The following TMEM132C variants were observed in gnomAD, a reference collection of about 807,000 sequenced individuals.
The protein encoded by TMEM132C is protein phosphatase 1, regulatory subunit 152.
In TMEM132C, 29 loss-of-function variants were observed where a neutral mutation model predicts 61.4. The ratio of observed to expected loss-of-function variants is 0.47; its 90% CI spans 0.35 to 0.64. TMEM132C has a LOEUF of 0.64. TMEM132C is among the 30% of genes least tolerant of loss of function. TMEM132C has a pLI of 0.00. For missense variants in TMEM132C, 1,408 were observed against 1,476.9 expected (o/e 0.95, Z 0.76); for synonymous variants, 656 against 633.1 (o/e 1.04, Z -0.54).
At chr12:128,636,394 TG>T (rs1301513648) in intron 4 of TMEM132C, among the ~76,000 whole-genome samples, 1 of 152,146 alleles carries the variant, frequency 6.6e-6, no homozygotes, top group Non-Finnish European at 1.5e-5. Flanking sequence ...GTATAATTGA[TG>T]TATCAAAAAT....
intron 2 of TMEM132C, among the ~76,000 whole-genome samples, chr12:128,470,142 G>A (rs149049997): frequency 2.6e-4 from 40 of 152,254 alleles, no homozygotes; most frequent in Admixed American, 1.1e-3. Flanking sequence ...CTGAAAAGCC[G>A]GAGTGGAGCG....
intron 2 of TMEM132C, among the ~76,000 whole-genome samples, chr12:128,423,425 A>G (rs1303007639): frequency 2.6e-5 from 4 of 152,226 alleles, no homozygotes; most frequent in Non-Finnish European, 4.4e-5. Flanking sequence ...CCATGTTCCA[A>G]TAAACAAACA....
intron 2 of TMEM132C, among the ~76,000 whole-genome samples, chr12:128,430,888 G>A (rs1869360013): frequency 6.6e-6 from 1 of 152,016 alleles, no homozygotes; most frequent in Admixed American, 6.6e-5. Context: ...CTCTCCTTAG[G>A]CCTCCCTATT....
At chr12:128,661,821 C>T (rs1409178462) in intron 4 of TMEM132C, among the ~76,000 whole-genome samples, 2 of 151,992 alleles carry the variant, frequency 1.3e-5, no homozygotes, top group African/African-American at 4.8e-5. Context: ...TTTTGAAAAA[C>T]AAAACACAGG....
At chr12:128,400,749 C>T (rs1260669081) in intron 1 of TMEM132C, among the ~76,000 whole-genome samples, 1 of 152,032 alleles carries the variant, frequency 6.6e-6, no homozygotes, top group Non-Finnish European at 1.5e-5. Flanking sequence ...GCTGGGCTTA[C>T]AGGCACGCAC....
intron 4 of TMEM132C, among the ~76,000 whole-genome samples, chr12:128,655,375 G>A (rs1954315736): frequency 6.6e-6 from 1 of 152,132 alleles, no homozygotes; most frequent in Admixed American, 6.6e-5. Context: ...TGTGTGTAAT[G>A]TATTCTTAAT....
rs534741677 is a variant in TMEM132C at position 128,519,674 on chromosome 12, G to A, written c.975-24283G>A. 6.6e-5 allele frequency among the ~76,000 whole-genome samples: 10 copies of A among 152,338 alleles called. No homozygotes were observed. In the South Asian group the frequency reaches 8.3e-4, roughly 13 times the overall value. ...ACTGGTAAGGGAAATGGAATTACAA[G>A]TCTGTTGTATTCTCATTAATACTTT... On this transcript the variant is annotated intron_variant, in intron 2 of 8. Transcript: ENST00000435159.
At chr12:128,387,958 C>T (rs962272642) in intron 1 of TMEM132C, among the ~76,000 whole-genome samples, 1 of 152,242 alleles carries the variant, frequency 6.6e-6, no homozygotes, top group East Asian at 1.9e-4. Context: ...CCGGCCGTCA[C>T]CTGTGCCCTT....
intron 2 of TMEM132C, among the ~76,000 whole-genome samples, chr12:128,495,691 C>A (rs1217029883): frequency 2.5e-4 from 38 of 151,170 alleles, no homozygotes; most frequent in Admixed American, 6.6e-4. Context: ...CTTGGTAGAT[C>A]TTCCTCCCTC....
intron 3 of TMEM132C, among the ~76,000 whole-genome samples, chr12:128,577,911 T>C (rs1875179095): frequency 6.6e-6 from 1 of 152,260 alleles, no homozygotes; most frequent in Admixed American, 6.5e-5. Flanking sequence ...CAGGTAGCCA[T>C]GGAAGAGTTT....
At chr12:128,459,327 C>G (rs1164831968) in intron 2 of TMEM132C, among the ~76,000 whole-genome samples, 1 of 152,214 alleles carries the variant, frequency 6.6e-6, no homozygotes, top group Non-Finnish European at 1.5e-5. Context: ...AAGCCTCCCT[C>G]AGGAGCCTGG....
At chr12:128,370,068 C>T (rs939326993) in intron 1 of TMEM132C, among the ~76,000 whole-genome samples, 2 of 152,132 alleles carry the variant, frequency 1.3e-5, no homozygotes, top group African/African-American at 4.8e-5. Flanking sequence ...TCCATATCTG[C>T]CAGAGTCCTC....
intron 1 of TMEM132C, chr12:128,288,863 C>T (rs1459662063): frequency 6.6e-6 from 1 of 152,616 alleles, no homozygotes; most frequent in Non-Finnish European, 1.5e-5. Flanking sequence ...CCCCTCCTTC[C>T]CTTGATTTCC....
At chr12:128,589,522 C>A (rs946385090) in intron 3 of TMEM132C, among the ~76,000 whole-genome samples, 8 of 151,202 alleles carry the variant, frequency 5.3e-5, no homozygotes, top group Non-Finnish European at 1.2e-4. Context: ...CAGCCCCCCA[C>A]CCCCTTATAA....
intron 4 of TMEM132C, among the ~76,000 whole-genome samples, chr12:128,631,548 C>T (rs1954065209): frequency 6.6e-6 from 1 of 152,200 alleles, no homozygotes; most frequent in African/African-American, 2.4e-5. Flanking sequence ...AAAAATTAAA[C>T]AACGCATAGT....
intron 1 of TMEM132C, among the ~76,000 whole-genome samples, chr12:128,323,291 C>T (rs924231206): frequency 2.6e-5 from 4 of 152,144 alleles, no homozygotes; most frequent in African/African-American, 7.2e-5. Context: ...TGATGGGGGA[C>T]GTGGAAGACA....
intron 2 of TMEM132C, among the ~76,000 whole-genome samples, chr12:128,492,198 G>A (rs1309488444): frequency 1.3e-5 from 2 of 152,120 alleles, no homozygotes; most frequent in Non-Finnish European, 2.9e-5. Context: ...TTTTATGGCT[G>A]CATAGTATTC....
chr12:128,495,207 G>A lies in TMEM132C; in HGVS notation c.975-48750G>A, dbSNP rs187626234. Among the ~76,000 whole-genome samples, 64 of 152,096 alleles carry A rather than the reference G, an allele frequency of 4.2e-4. 1 individual carries two copies. The highest frequency in any genetic ancestry group is 1.4e-3 in the African/African-American group (60 of 41,448). ...GTTTGAGTGGTCTGAGAGACAGTTT[G>A]TTATAATTTCTGTTCTTTTACATTT... is the stretch of plus-strand genomic sequence containing the variant. On this transcript the variant is annotated intron_variant, in intron 2 of 8. Coordinates refer to ENST00000435159, the MANE Select transcript of TMEM132C (RefSeq NM_001136103.3).
chr12:128,307,189 G>A (rs922019141), intron 1 of TMEM132C, among the ~76,000 whole-genome samples: 16 of 152,020 alleles, frequency 1.1e-4, no homozygotes, highest in African/African-American at 1.2e-4. Context: ...AAACCTTATC[G>A]CCTGGTTTCA....
Sources: allele counts gnomAD v4.1 joint callset (sites outside exome capture counted in the v4.1 genomes callset), GRCh38; gene constraint gnomAD v4.1.1; transcripts MANE v1.5; gene names NCBI Gene and HGNC (gene_info 2026-07-23, HGNC 2026-07-21).